PLS1: variants seen among roughly 807,000 people sequenced by gnomAD.
PLS1 encodes plastin-1.
A neutral mutation model predicts 73.7 loss-of-function variants in PLS1; 32 were observed. The ratio of observed to expected loss-of-function variants is 0.43; its 90% confidence interval spans 0.33 to 0.58. The LOEUF (loss-of-function observed/expected upper bound fraction) is 0.58, where lower values mean the gene tolerates loss of function less well. Among genes scored for constraint, PLS1 ranks in the 20% least tolerant of loss-of-function variants. The pLI is 0.04. For missense variants in PLS1, 633 were observed against 740.5 expected, an observed-to-expected ratio of 0.85 and a Z score of 1.68; for synonymous variants, 217 against 261.3, an observed-to-expected ratio of 0.83 and a Z score of 1.63.
At position 142,684,176 on chromosome 3, in the gene PLS1, G is replaced by A; in HGVS notation, c.745+5G>A. 1.2e-6 allele frequency: 2 copies of A among 1,613,890 alleles called. No homozygotes were observed. The highest frequency in any genetic ancestry group is 4.5e-5 in the East Asian group (2 of 44,882). ...TTGAGATTTCCAGGAATGAAGGTAAGATCATTAGAAATATTTGCTGTTCAT... is the reference window on the plus strand; with the variant it reads ...TTGAGATTTCCAGGAATGAAGGTAAAATCATTAGAAATATTTGCTGTTCAT... On this transcript the variant is annotated splice_donor_5th_base_variant and intron_variant, in intron 7 of 15. Coordinates refer to ENST00000457734, the MANE Select transcript of PLS1 (RefSeq NM_001145319.2).
chr3:142,654,854 A>G (rs1314341462), intron 1 of PLS1: 1 of 151,868 alleles, frequency 6.6e-6, no homozygotes, highest in East Asian at 1.9e-4. Flanking sequence ...ACGTATAGAA[A>G]CTCTTCATCT....
In PLS1 at chr3:142,598,514, C is replaced by T. The variant is rs139946568; in HGVS notation, c.-37+2005C>T. 4.6e-3 allele frequency among the ~76,000 whole-genome samples: 695 copies of T among 152,160 alleles called. 9 individuals are homozygous for T. The highest frequency in any genetic ancestry group is 0.016 in the African/African-American group (644 of 41,504). On this transcript the variant is annotated intron_variant, in intron 1 of 15. Coordinates refer to ENST00000457734, the MANE Select transcript of PLS1 (RefSeq NM_001145319.2). ...ATTACAGGAGACAGGCGTAAAAACA[C>T]GGGTCAGTTGGTCCAGGCCCTGGAT... is the stretch of plus-strand genomic sequence containing the variant.
At chr3:142,674,372 G>A (rs942693981) in intron 4 of PLS1, among the ~76,000 whole-genome samples, 5 of 152,148 alleles carry the variant, frequency 3.3e-5, no homozygotes, top group Admixed American at 2.6e-4. Context: ...GTGTATGTAT[G>A]TGTGGTGGAT....
chr3:142,674,635 C>T (rs1167706375), intron 4 of PLS1, among the ~76,000 whole-genome samples: 6 of 152,124 alleles, frequency 3.9e-5, no homozygotes, highest in Admixed American at 3.9e-4. Flanking sequence ...TACTTAAGAT[C>T]AATGTACCCA....
intron 14 of PLS1, among the ~76,000 whole-genome samples, chr3:142,710,668 T>C (rs1431034160): frequency 1.3e-5 from 2 of 152,126 alleles, no homozygotes; most frequent in African/African-American, 4.8e-5. Flanking sequence ...GGGTTCTACT[T>C]GTATGAAAGA....
chr3:142,707,359 T>G lies in PLS1; in HGVS notation c.1629+2773T>G, dbSNP rs201773144. Among the ~76,000 whole-genome samples the G allele has an allele frequency of 4.6e-5, 7 of 152,310 alleles. No individual in the cohort carries two copies. The East Asian group carries it at 1.4e-3, about 29-fold the overall frequency. On this transcript the variant is annotated intron_variant, in intron 14 of 15. Coordinates refer to ENST00000457734, the MANE Select transcript of PLS1 (RefSeq NM_001145319.2). ...AAATTTACCCTTTTTAGCCATAAAT[T>G]TCCCTTGCTAAGAAGACAGAGAAGG...
At chr3:142,659,950 T>C (rs2037332312) in intron 1 of PLS1, among the ~76,000 whole-genome samples, 1 of 152,176 alleles carries the variant, frequency 6.6e-6, no homozygotes, top group African/African-American at 2.4e-5. Context: ...AATCCTCAAG[T>C]ATACCGTGAC....
chr3:142,699,368 A>C (rs1577907780), intron 12 of PLS1, among the ~76,000 whole-genome samples: 1 of 152,150 alleles, frequency 6.6e-6, no homozygotes, highest in African/African-American at 2.4e-5. Flanking sequence ...CTGAGGCAGG[A>C]GAATGGCTTG....
chr3:142,688,550 T>A (rs1285927232), intron 9 of PLS1, among the ~76,000 whole-genome samples: 1 of 152,220 alleles, frequency 6.6e-6, no homozygotes, highest in Non-Finnish European at 1.5e-5. Flanking sequence ...CCACCTCGGT[T>A]TTCGCCCAGT....
At chr3:142,658,606 A>G (rs1250557623) in intron 1 of PLS1, among the ~76,000 whole-genome samples, 1 of 152,214 alleles carries the variant, frequency 6.6e-6, no homozygotes, top group Non-Finnish European at 1.5e-5. Flanking sequence ...GTTTTACTAC[A>G]TAGGTATGGG....
At chr3:142,631,883 CAA>C in intron 1 of PLS1, among the ~76,000 whole-genome samples, 1 of 151,978 alleles carries the variant, frequency 6.6e-6, no homozygotes, top group African/African-American at 2.4e-5. Flanking sequence ...TTCATCAAAC[CAA>C]AAAACTTCTG....
chr3:142,674,879 G>A (rs2037687335), intron 4 of PLS1, among the ~76,000 whole-genome samples: 1 of 152,034 alleles, frequency 6.6e-6, no homozygotes, highest in Non-Finnish European at 1.5e-5. Context: ...ACAGGTGCCT[G>A]CCACCACACC....
chr3:142,690,392 T>C (rs1312639843), intron 10 of PLS1, among the ~76,000 whole-genome samples: 1 of 152,238 alleles, frequency 6.6e-6, no homozygotes, highest in Non-Finnish European at 1.5e-5. Context: ...ATTAGTACCA[T>C]TTATTCTTTC....
chr3:142,684,577 A>C (rs983554473), intron 8 of PLS1, among the ~76,000 whole-genome samples, 182 bp downstream of exon 8: 1 of 152,222 alleles, frequency 6.6e-6, no homozygotes, highest in African/African-American at 2.4e-5. Context: ...TTTTCTAAAA[A>C]CCAGATATAT....
intron 1 of PLS1, among the ~76,000 whole-genome samples, chr3:142,651,308 A>G (rs148740729): frequency 0.023 from 3,559 of 151,968 alleles, 131 homozygotes; most frequent in African/African-American, 0.081. Flanking sequence ...AAAAATATAC[A>G]AAAATTAGCT....
chr3:142,699,584 T>C (rs2038283754), intron 12 of PLS1, among the ~76,000 whole-genome samples: 1 of 152,256 alleles, frequency 6.6e-6, no homozygotes, highest in South Asian at 2.1e-4. Flanking sequence ...GAACTTAAAG[T>C]ATAATCAAAC....
intron 6 of PLS1, among the ~76,000 whole-genome samples, chr3:142,680,667 T>TC (rs1288700327): frequency 1.3e-4 from 20 of 152,146 alleles, no homozygotes; most frequent in Non-Finnish European, 2.4e-4. Context: ...TACCACACTT[T>TC]CCCCCTCAAA....
At chr3:142,631,675 A>AC in intron 1 of PLS1, among the ~76,000 whole-genome samples, 1 of 150,254 alleles carries the variant, frequency 6.7e-6, no homozygotes, top group East Asian at 1.9e-4. Context: ...AAAAAAAAAA[A>AC]AAAAAAAAAA....
chr3:142,702,715 T>C (rs994802600), intron 12 of PLS1, among the ~76,000 whole-genome samples: 1 of 151,984 alleles, frequency 6.6e-6, no homozygotes, highest in Non-Finnish European at 1.5e-5. Context: ...CCCTATTGAC[T>C]CCAGGATAGA....
Sources: gnomAD v4.1 joint callset for allele counts (sites outside exome capture counted in the v4.1 genomes callset) on GRCh38, gnomAD v4.1.1 for gene constraint, MANE v1.5 for transcripts, NCBI Gene and HGNC (gene_info 2026-07-23, HGNC 2026-07-21) for gene names.